Variants in R3HCC1L observed in about 807,000 individuals in gnomAD.
The protein encoded by R3HCC1L is R3H domain and coiled-coil containing 1 like.
A neutral mutation model predicts 59.9 loss-of-function variants in R3HCC1L; 51 were observed. That is an observed-to-expected ratio of 0.85 (90% CI 0.68 to 1.07). The LOEUF (loss-of-function observed/expected upper bound fraction) is 1.07, where lower values mean the gene tolerates loss of function less well. R3HCC1L is among the 50% of genes least tolerant of loss of function. R3HCC1L has a pLI of 0.00. For synonymous variants in R3HCC1L, 322 were observed against 315.2 expected, an observed-to-expected ratio of 1.02 and a Z score of -0.23; for missense variants, 965 against 933.0, an observed-to-expected ratio of 1.03 and a Z score of -0.45.
At chr10:98,145,400 T>A (rs1210327781) in intron 1 of R3HCC1L, among the ~76,000 whole-genome samples, 1 of 152,182 alleles carries the variant, frequency 6.6e-6, no homozygotes, top group East Asian at 1.9e-4. Flanking sequence ...TACTGTGTCA[T>A]TGATAGTGGC....
intron 5 of R3HCC1L, among the ~76,000 whole-genome samples, chr10:98,215,795 G>A (rs1854127218): frequency 6.6e-6 from 1 of 152,128 alleles, no homozygotes; most frequent in African/African-American, 2.4e-5. Flanking sequence ...CCTAATGTCA[G>A]TGTTGTTAAA....
chr10:98,164,525 C>T (rs974371839), intron 4 of R3HCC1L, among the ~76,000 whole-genome samples: 2 of 151,930 alleles, frequency 1.3e-5, no homozygotes, highest in African/African-American at 4.8e-5. Context: ...GAGTTTTAAT[C>T]TTGGTTATTT....
chr10:98,152,036 T>C (rs1846218363), intron 1 of R3HCC1L, among the ~76,000 whole-genome samples: 1 of 152,192 alleles, frequency 6.6e-6, no homozygotes, highest in African/African-American at 2.4e-5. Context: ...CCATCTCGGC[T>C]CACTGCAACC....
intron 3 of R3HCC1L, 110 bp downstream of exon 3, chr10:98,163,085 C>A (rs1186330248): frequency 4.4e-6 from 1 of 228,588 alleles, no homozygotes; most frequent in Admixed American, 5.7e-5. Flanking sequence ...CTGAGAATGA[C>A]AGAAGATGGC....
chr10:98,170,705 AGG>A lies in R3HCC1L; in HGVS notation c.-15+7310_-15+7311del, dbSNP rs1848433851. 2.6e-5 allele frequency among the ~76,000 whole-genome samples: 4 copies of A among 152,306 alleles called. No individual in the cohort carries two copies. In the South Asian group the frequency reaches 8.3e-4, roughly 32 times the overall value. On this transcript the variant is annotated intron_variant, in intron 4 of 9. Transcript: ENST00000298999. ...AGTAGTGACACATTTTGGCCACCAG[AGG>A]GTGAAGTCCAGTCATTGAAGTTGTG...
intron 5 of R3HCC1L, among the ~76,000 whole-genome samples, chr10:98,212,867 A>G (rs923225288): frequency 1.3e-5 from 2 of 152,142 alleles, no homozygotes; most frequent in Admixed American, 6.6e-5. Flanking sequence ...TTTAAGTAGT[A>G]TCTCCTAAAC....
At chr10:98,209,981 C>T (rs1157264181) in intron 5 of R3HCC1L, 82 bp downstream of exon 5, 1 of 1,072,440 alleles carries the variant, frequency 9.3e-7, no homozygotes, top group Admixed American at 2.2e-5. Flanking sequence ...CAGTGATGCA[C>T]ATTCACTGAT....
At chr10:98,173,939 T>C (rs1848758756) in intron 4 of R3HCC1L, among the ~76,000 whole-genome samples, 1 of 152,168 alleles carries the variant, frequency 6.6e-6, no homozygotes, top group Admixed American at 6.5e-5. Flanking sequence ...GTGAGCTGCG[T>C]GTATGTTGCT....
intron 1 of R3HCC1L, among the ~76,000 whole-genome samples, chr10:98,139,186 C>A (rs1230154594): frequency 6.6e-6 from 1 of 152,076 alleles, no homozygotes; most frequent in Non-Finnish European, 1.5e-5. Context: ...AAATATCTCA[C>A]CAGAATGAAT....
intron 5 of R3HCC1L, among the ~76,000 whole-genome samples, chr10:98,219,576 T>G (rs1454200149): frequency 6.6e-6 from 1 of 152,226 alleles, no homozygotes; most frequent in Non-Finnish European, 1.5e-5. Context: ...CTTCTTTCTC[T>G]CATTTGTGTC....
chr10:98,229,128 A>T (rs1387921832), intron 5 of R3HCC1L, among the ~76,000 whole-genome samples: 1 of 151,922 alleles, frequency 6.6e-6, no homozygotes, highest in Middle Eastern at 3.2e-3. Flanking sequence ...GAAGAAAGTC[A>T]TTGGTAGCTT....
chr10:98,152,726 C>T (rs1415237897), intron 1 of R3HCC1L, among the ~76,000 whole-genome samples: 2 of 137,028 alleles, frequency 1.5e-5, no homozygotes, highest in African/African-American at 5.0e-5. Flanking sequence ...GCCGCCCCGT[C>T]TGAGAAGTGA....
At chr10:98,226,464 AT>A (rs1855685921) in intron 5 of R3HCC1L, among the ~76,000 whole-genome samples, 1 of 152,336 alleles carries the variant, frequency 6.6e-6, no homozygotes, top group Middle Eastern at 3.4e-3. Context: ...AGAACTTAAT[AT>A]TGTTCAGATA....
chr10:98,230,396 T>C (rs1856230691), intron 5 of R3HCC1L, among the ~76,000 whole-genome samples: 1 of 152,200 alleles, frequency 6.6e-6, no homozygotes, highest in African/African-American at 2.4e-5. Flanking sequence ...TCTCTGATGG[T>C]AGTTTGTATT....
At chr10:98,243,435 T>G (rs986959793) in intron 9 of R3HCC1L, among the ~76,000 whole-genome samples, 1 of 152,226 alleles carries the variant, frequency 6.6e-6, no homozygotes, top group South Asian at 2.1e-4. Flanking sequence ...GTGAAAGTGT[T>G]ATGGAGAACC....
At chr10:98,187,721 G>A (rs1178587016) in intron 4 of R3HCC1L, among the ~76,000 whole-genome samples, 1 of 144,730 alleles carries the variant, frequency 6.9e-6, no homozygotes, top group Non-Finnish European at 1.5e-5. Context: ...CAGATAAGAT[G>A]TAACAATTCT....
intron 4 of R3HCC1L, among the ~76,000 whole-genome samples, chr10:98,175,603 C>T (rs1848932796): frequency 6.6e-6 from 1 of 151,998 alleles, no homozygotes. Flanking sequence ...TCTTTTTTGC[C>T]ATCCTTATAT....
chr10:98,222,834 C>T (rs1855193587), intron 5 of R3HCC1L, among the ~76,000 whole-genome samples: 1 of 151,848 alleles, frequency 6.6e-6, no homozygotes, highest in Non-Finnish European at 1.5e-5. Flanking sequence ...CTAATAGATG[C>T]AATAAAAAAT....
chr10:98,231,657 A>G lies in R3HCC1L; in HGVS notation c.1931A>G (p.Glu644Gly). The G allele has an allele frequency of 1.2e-6, 2 of 1,611,958 alleles. No individual in the cohort carries two copies. The highest frequency in any genetic ancestry group is 4.5e-5 in the East Asian group (2 of 44,826). Reference sequence around the variant, plus strand: ...GACTTTCCCCAAGAATTTCATACTGAAGACCTTCTACGGGTTTTCTGCAGT... The same window carrying G: ...GACTTTCCCCAAGAATTTCATACTGGAGACCTTCTACGGGTTTTCTGCAGT... ...IYDFPQEFHT[E>G]DLLRVFCSYQ... Residue 644 changes from glutamate to glycine, a missense_variant, in exon 6 of 10, where the codon GAA (glutamate) becomes GGA (glycine). Physicochemically the swap from Glu to Gly is moderately conservative, Grantham distance 98. Coordinates refer to ENST00000298999, the MANE Select transcript of R3HCC1L (RefSeq NM_001351015.2).
Sources: gnomAD v4.1 joint callset for allele counts (sites outside exome capture counted in the v4.1 genomes callset) on GRCh38, gnomAD v4.1.1 for gene constraint, MANE v1.5 for transcripts, NCBI Gene and HGNC (gene_info 2026-07-23, HGNC 2026-07-21) for gene names.